The following NRAS variants were observed in gnomAD, a reference collection of about 807,000 sequenced individuals.
NRAS encodes NRAS proto-oncogene, GTPase, also known as GTPase NRas.
Under a neutral mutation model 21.3 loss-of-function variants are expected in NRAS, and 6 were observed. The observed-to-expected ratio is 0.28, with a 90% CI of 0.15 to 0.56. The LOEUF (loss-of-function observed/expected upper bound fraction) is 0.56. Ranked by LOEUF, NRAS falls within the 20% of genes least tolerant of loss-of-function variation. The pLI is 0.93. For missense variants in NRAS, 143 were observed against 231.3 expected, an observed-to-expected ratio of 0.62 and a Z score of 2.48; for synonymous variants, 84 against 82.0, an observed-to-expected ratio of 1.02 and a Z score of -0.13.
At position 114,716,029 on chromosome 1, in the gene NRAS, CG is replaced by C. The variant is rs1439182197; in HGVS notation, c.111+20del. ...CAAGTGAGAGACAGGATCAGGTCAG[CG>C]GGCTACCACTGGGCCTCACCTCTAT... is the stretch of plus-strand genomic sequence containing the variant. On this transcript the variant is annotated intron_variant, in intron 2 of 6. Coordinates refer to ENST00000369535, the MANE Select transcript of NRAS (RefSeq NM_002524.5). 7.3e-7 allele frequency: 1 copy of C among 1,363,828 alleles called. No individual in the cohort carries two copies. Among genetic ancestry groups the C allele is most frequent in the African/African-American group, 1.4e-5 (1 of 70,200 alleles). 84.5% of individuals were successfully genotyped at this position (1,363,828 alleles called of 1,614,324 possible).
At chr1:114,711,627 C>CA (rs1454688228) in intron 3 of NRAS, among the ~76,000 whole-genome samples, 26 of 146,150 alleles carry the variant, frequency 1.8e-4, no homozygotes, top group Admixed American at 1.3e-3. Context: ...AACAAACAAA[C>CA]AAAAAAAACA....
rs1275863834 is a variant in NRAS at position 114,716,167 on chromosome 1, C to G, written c.-7G>C. On this transcript the variant is annotated 5_prime_UTR_variant, in exon 2 of 7. Transcript: ENST00000369535. ...CCAGTTTGTACTCAGTCATTTCACACCAGCAAGAACCTGTTGGAAACCAGT... is the reference window on the plus strand; with the variant it reads ...CCAGTTTGTACTCAGTCATTTCACAGCAGCAAGAACCTGTTGGAAACCAGT... The G allele has an allele frequency of 1.3e-6, 2 of 1,589,194 alleles. No homozygotes were observed. Among genetic ancestry groups the G allele is most frequent in the Middle Eastern group, 1.7e-4 (1 of 6,002 alleles).
intron 2 of NRAS, among the ~76,000 whole-genome samples, chr1:114,714,319 G>A (rs776114954): frequency 1.3e-5 from 2 of 152,202 alleles, no homozygotes; most frequent in Non-Finnish European, 2.9e-5. Flanking sequence ...ATTTCACTAA[G>A]CTATGAACTG....
Position 114,704,788 on chromosome 1 carries a change from T to C in NRAS, c.*3306A>G, listed in dbSNP as rs189738278. 180 of 152,346 alleles carry C rather than the reference T, an allele frequency of 1.2e-3. 4 individuals are homozygous for C. Among genetic ancestry groups the C allele is most frequent in the African/African-American group, 4.2e-3 (176 of 41,574 alleles). 9.4% of individuals were successfully genotyped at this position (152,346 alleles called of 1,614,324 possible). A position where few individuals can be genotyped will look rare whatever the true frequency, so the allele number is the denominator to read the frequency against. On this transcript the variant is annotated 3_prime_UTR_variant, in exon 7 of 7. Coordinates refer to ENST00000369535, the MANE Select transcript of NRAS (RefSeq NM_002524.5). ...GTACTCAGGCTTTTAAAAATCATCT[T>C]ACGTTTTGAAATATAATACAACTAC...
chr1:114,708,339 T>C (rs543256806), intron 5 of NRAS, 147 bp from the exon 6 acceptor site: 3 of 612,224 alleles, frequency 4.9e-6, no homozygotes, highest in Admixed American at 2.9e-5. Context: ...AATATAAAGA[T>C]ACCTGTGGAA....
At chr1:114,712,911 ATTCTGT>A (rs1425166314) in intron 3 of NRAS, among the ~76,000 whole-genome samples, 1 of 152,232 alleles carries the variant, frequency 6.6e-6, no homozygotes, top group African/African-American at 2.4e-5. Flanking sequence ...CCATTATATT[ATTCTGT>A]TTAAGAACAC....
At position 114,711,406 on chromosome 1, in the gene NRAS, C is replaced by T. The variant is rs188920824; in HGVS notation, c.291-1678G>A. Among the ~76,000 whole-genome samples, 13 of 151,640 alleles carry T rather than the reference C, an allele frequency of 8.6e-5. No homozygotes were observed. The East Asian group carries it at 1.8e-3, about 20-fold the overall frequency. On this transcript the variant is annotated intron_variant, in intron 3 of 6. Transcript: ENST00000369535. ...TGAGGTCAGGAGTTTGAAACCAGCC[C>T]GGCCAACATGGTGAAACCCCAAGTC...
Position 114,716,076 on chromosome 1 carries a change from C to T in NRAS, c.85G>A (p.Val29Ile), listed in dbSNP as rs772665803. 3 of 1,613,342 alleles carry T rather than the reference C, an allele frequency of 1.9e-6. No homozygotes were observed. Among genetic ancestry groups the T allele is most frequent in the Non-Finnish European group, 2.5e-6 (3 of 1,179,260 alleles). The change falls in exon 2 of 7, where the codon GTA becomes ATA. Residue 29 changes from valine (V) to isoleucine (I), a missense_variant. Val to Ile is a conservative substitution (Grantham distance 29). Coordinates refer to ENST00000369535, the MANE Select transcript of NRAS (RefSeq NM_002524.5). ...LTIQLIQNHFVDEYDPTIEDS... is the reference protein window; with the variant it reads ...LTIQLIQNHFIDEYDPTIEDS... ...TCTATGGTGGGATCATATTCATCTA[C>T]AAAGTGGTTCTGGATTAGCTGGATT...
intron 5 of NRAS, 101 bp from the exon 6 acceptor site, chr1:114,708,293 C>T: frequency 1.8e-6 from 1 of 544,498 alleles, no homozygotes; most frequent in Non-Finnish European, 3.3e-6. Context: ...GCCTACATTT[C>T]ATAAATAATG....
rs1367788342 is a variant in NRAS, at chr1:114,716,130, C to T, written c.31G>A (p.Ala11Thr). Residue 11 changes from alanine (A) to threonine (T), a missense_variant, in exon 2 of 7, where the codon GCA (alanine) becomes ACA (threonine). Ala to Thr is a moderately conservative substitution (Grantham distance 58). Transcript: ENST00000369535. ...AGTGCGCTTTTCCCAACACCACCTG[C>T]TCCAACCACCACCAGTTTGTACTCA... MTEYKLVVVG[A>T]GGVGKSALTI... is the part of the protein sequence containing the mutation. The T allele has an allele frequency of 6.2e-7, 1 of 1,613,858 alleles. No individual in the cohort carries two copies. The highest frequency in any genetic ancestry group is 1.7e-5 in the Admixed American group (1 of 60,026).
rs1348783894 is a variant in NRAS at position 114,707,117 on chromosome 1, T to C, written c.*977A>G. 6.6e-6 allele frequency: 1 copy of C among 152,650 alleles called. No individual in the cohort carries two copies. Among genetic ancestry groups the C allele is most frequent in the African/African-American group, 2.4e-5 (1 of 41,464 alleles). The allele number at this position is 152,650 out of a possible 1,614,324, so 9.5% of individuals were successfully genotyped here. On this transcript the variant is annotated 3_prime_UTR_variant, in exon 7 of 7. Coordinates refer to ENST00000369535, the MANE Select transcript of NRAS (RefSeq NM_002524.5). ...ATACAAATGGAAGTTCATTGAATAT[T>C]AGGTTTATCAGTAAGCTAGGGGAAA...
chr1:114,713,754 C>G (rs778640325), intron 3 of NRAS, 46 bp downstream of exon 3: 1 of 1,502,430 alleles, frequency 6.7e-7, no homozygotes, highest in East Asian at 2.3e-5. Flanking sequence ...CATAAAGATT[C>G]AGAACACAAA....
chr1:114,705,508 G>A lies in NRAS; in HGVS notation c.*2586C>T, dbSNP rs947341001. The A allele has an allele frequency of 6.6e-6, 1 of 152,178 alleles. No homozygotes were observed. The highest frequency in any genetic ancestry group is 1.5e-5 in the Non-Finnish European group (1 of 68,026). The allele number at this position is 152,178 out of a possible 1,614,324, so 9.4% of individuals were successfully genotyped here. The stretch of plus-strand genomic sequence containing the variant: ...AAGAGAAGGATTTTGAGGTAAACTA[G>A]AATTCTTTTCAGCAATCACAAACAT... On this transcript the variant is annotated 3_prime_UTR_variant, in exon 7 of 7. Coordinates refer to ENST00000369535, the MANE Select transcript of NRAS (RefSeq NM_002524.5).
At position 114,707,124 on chromosome 1, in the gene NRAS, A is replaced by C. The variant is rs1658936215; in HGVS notation, c.*970T>G. 6.6e-6 allele frequency: 1 copy of C among 152,666 alleles called. No individual in the cohort carries two copies. The highest frequency in any genetic ancestry group is 2.4e-5 in the African/African-American group (1 of 41,472). The allele number at this position is 152,666 out of a possible 1,614,324, so 9.5% of individuals were successfully genotyped here. ...TGGAAGTTCATTGAATATTAGGTTT[A>C]TCAGTAAGCTAGGGGAAACAAATTA... On this transcript the variant is annotated 3_prime_UTR_variant, in exon 7 of 7. Coordinates refer to ENST00000369535, the MANE Select transcript of NRAS (RefSeq NM_002524.5).
chr1:114,716,734 A>C lies in NRAS; in HGVS notation c.-94T>G, dbSNP rs1659185216. On this transcript the variant is annotated 5_prime_UTR_variant, in exon 1 of 7. It removes an upstream start codon present in the reference 5' UTR. Transcript: ENST00000369535. ...AAATGTTGGAGACCCCGGAACCGCC[A>C]TGAACAGCCCCCACCAAGGAGCGGC... 1 of 161,542 alleles carries C rather than the reference A, an allele frequency of 6.2e-6. No homozygotes were observed. Among genetic ancestry groups the C allele is most frequent in the African/African-American group, 2.4e-5 (1 of 41,496 alleles). 10.0% of individuals were successfully genotyped at this position (161,542 alleles called of 1,614,324 possible).
At chr1:114,716,629 G>A in intron 1 of NRAS, 29 bp downstream of exon 1, 1 of 287,982 alleles carries the variant, frequency 3.5e-6, no homozygotes, top group South Asian at 3.4e-5. Context: ...ACAGCCCAAA[G>A]CCGAACACTA....
chr1:114,715,502 A>G (rs1245142156), intron 2 of NRAS, among the ~76,000 whole-genome samples: 1 of 152,208 alleles, frequency 6.6e-6, no homozygotes, highest in Non-Finnish European at 1.5e-5. Flanking sequence ...GGACAAGTTT[A>G]TGGTAATTTA....
In NRAS at chr1:114,706,545, C is replaced by A. The variant is rs1484130731; in HGVS notation, c.*1549G>T. The A allele has an allele frequency of 2.0e-5, 3 of 152,152 alleles. No individual in the cohort carries two copies. The highest frequency in any genetic ancestry group is 6.5e-5 in the Admixed American group (1 of 15,284). The allele number at this position is 152,152 out of a possible 1,614,324, so 9.4% of individuals were successfully genotyped here. On this transcript the variant is annotated 3_prime_UTR_variant, in exon 7 of 7. Transcript: ENST00000369535. ...CATTATGAATAAAGAGAATTTAAAA[C>A]GTTTCTCAGCTGAGACATCCTCATT...
chr1:114,713,715 T>C (rs972803915), intron 3 of NRAS, 85 bp downstream of exon 3: 9 of 1,151,492 alleles, frequency 7.8e-6, no homozygotes, highest in Non-Finnish European at 1.2e-5. Flanking sequence ...AAAAGCTCTA[T>C]CTTCCCTAGT....
Sources: allele counts gnomAD v4.1 joint callset (sites outside exome capture counted in the v4.1 genomes callset), GRCh38; gene constraint gnomAD v4.1.1; transcripts MANE v1.5; gene names NCBI Gene and HGNC (gene_info 2026-07-23, HGNC 2026-07-21).